The following ARB2A variants were observed in gnomAD, a reference collection of about 807,000 sequenced individuals.
ARB2A encodes the protein ARB2 cotranscriptional regulator A, also known as cotranscriptional regulator ARB2A.
At chr5:94,098,567 T>G in the ARB2A span, among the ~76,000 whole-genome samples, 21 of 151,700 alleles carry the variant, frequency 1.4e-4, no homozygotes, top group African/African-American at 5.1e-4. Flanking sequence ...ACTTCACAAC[T>G]GAAAGAATGA....
the ARB2A span, among the ~76,000 whole-genome samples, chr5:94,054,625 GT>G: frequency 6.6e-6 from 1 of 152,080 alleles, no homozygotes; most frequent in Middle Eastern, 3.4e-3. Context: ...TAACGTTACT[GT>G]TTTTTTCCTC....
the ARB2A span, among the ~76,000 whole-genome samples, chr5:94,080,670 G>A: frequency 3.9e-5 from 6 of 152,090 alleles, no homozygotes; most frequent in African/African-American, 1.4e-4. Context: ...TAAGTCAAGT[G>A]GTAATATGAA....
At chr5:93,958,844 C>A in the ARB2A span, 1 of 1,607,076 alleles carries the variant, frequency 6.2e-7, no homozygotes, top group African/African-American at 1.3e-5. Flanking sequence ...AATAAGTCTT[C>A]TAGCCCACTG....
chr5:93,759,474 C>T, the ARB2A span, among the ~76,000 whole-genome samples: 328 of 152,082 alleles, frequency 2.2e-3, 1 homozygote, highest in Non-Finnish European at 3.9e-3. Flanking sequence ...ATATTCTTGA[C>T]GAACACAGAT....
the ARB2A span, among the ~76,000 whole-genome samples, chr5:93,822,840 AAAAT>A: frequency 9.9e-5 from 15 of 152,148 alleles, no homozygotes; most frequent in Admixed American, 3.3e-4. Context: ...ATAAATTTAG[AAAAT>A]AAATGATTTA....
chr5:93,995,187 C>T, the ARB2A span, among the ~76,000 whole-genome samples: 33 of 152,274 alleles, frequency 2.2e-4, no homozygotes, highest in South Asian at 4.1e-4. Context: ...TAGCCACTTC[C>T]TGTTGGTATT....
At chr5:93,937,482 T>C in the ARB2A span, among the ~76,000 whole-genome samples, 1 of 151,082 alleles carries the variant, frequency 6.6e-6, no homozygotes, top group African/African-American at 2.4e-5. Flanking sequence ...CGTGGTGGCA[T>C]GCACCTGTAG....
chr5:93,738,993 G>A, the ARB2A span: 2 of 152,198 alleles, frequency 1.3e-5, no homozygotes, highest in South Asian at 2.1e-4. Context: ...ACAGTCTCAT[G>A]AAGAAAAGAT....
the ARB2A span, among the ~76,000 whole-genome samples, chr5:93,803,357 T>C: frequency 1.3e-5 from 2 of 152,026 alleles, no homozygotes; most frequent in Admixed American, 6.6e-5. Flanking sequence ...AATAGACTAC[T>C]TGGTGGTTAT....
the ARB2A span, among the ~76,000 whole-genome samples, chr5:94,012,955 G>A: frequency 6.6e-6 from 1 of 152,112 alleles, no homozygotes; most frequent in Non-Finnish European, 1.5e-5. Context: ...GAAAGAAACG[G>A]GAGGTCTGGA....
chr5:93,930,580 G>A, the ARB2A span, among the ~76,000 whole-genome samples: 1 of 152,192 alleles, frequency 6.6e-6, no homozygotes. Flanking sequence ...TTAGGGAGAA[G>A]TCTTTCAGAT....
the ARB2A span, among the ~76,000 whole-genome samples, chr5:93,906,465 T>C: frequency 6.6e-6 from 1 of 151,452 alleles, no homozygotes; most frequent in East Asian, 1.9e-4. Context: ...ATAATGGGGA[T>C]AATAACTACT....
At chr5:93,729,526 G>T in the ARB2A span, among the ~76,000 whole-genome samples, 1 of 152,016 alleles carries the variant, frequency 6.6e-6, no homozygotes, top group African/African-American at 2.4e-5. Flanking sequence ...TCATCATTTT[G>T]CTTGTTGTGT....
the ARB2A span, among the ~76,000 whole-genome samples, chr5:93,880,791 ATACCGTTAG>A: frequency 6.6e-6 from 1 of 151,786 alleles, no homozygotes; most frequent in East Asian, 1.9e-4. Flanking sequence ...TAATGATCCC[ATACCGTTAG>A]TACTACAAAG....
At chr5:93,876,041 G>C in the ARB2A span, among the ~76,000 whole-genome samples, 5 of 152,170 alleles carry the variant, frequency 3.3e-5, no homozygotes, top group African/African-American at 1.2e-4. Context: ...CTGTTGCCAA[G>C]AAGCTTGTTA....
chr5:93,854,093 C>T, the ARB2A span, among the ~76,000 whole-genome samples: 3 of 152,054 alleles, frequency 2.0e-5, no homozygotes, highest in Non-Finnish European at 4.4e-5. Flanking sequence ...GTCCTGGACT[C>T]TTTTTGGTTG....
the ARB2A span, chr5:93,805,866 T>C: frequency 1.0e-6 from 1 of 985,154 alleles, no homozygotes; most frequent in South Asian, 4.7e-5. Flanking sequence ...TTCTTCCACA[T>C]AGCTAAGCGA....
the ARB2A span, among the ~76,000 whole-genome samples, chr5:94,043,971 T>C: frequency 6.6e-6 from 1 of 152,262 alleles, no homozygotes; most frequent in Non-Finnish European, 1.5e-5. Flanking sequence ...AGAGAAATTA[T>C]GTTTCAAGAA....
At chr5:93,973,876 T>C in the ARB2A span, among the ~76,000 whole-genome samples, 1 of 152,234 alleles carries the variant, frequency 6.6e-6, no homozygotes, top group African/African-American at 2.4e-5. Context: ...AAGGAACTGA[T>C]CACTAGCAAA....
Sources: gnomAD v4.1 joint callset for allele counts (sites outside exome capture counted in the v4.1 genomes callset) on GRCh38, gnomAD v4.1.1 for gene constraint, MANE v1.5 for transcripts, NCBI Gene and HGNC (gene_info 2026-07-23, HGNC 2026-07-21) for gene names.